Variants in SLCO3A1 observed in about 807,000 individuals in gnomAD.
The protein encoded by SLCO3A1 is solute carrier organic anion transporter family member 3A1.
Under a neutral mutation model 63.1 loss-of-function variants are expected in SLCO3A1, and 27 were observed. The observed-to-expected ratio is 0.43, with a 90% CI of 0.32 to 0.59. The LOEUF (loss-of-function observed/expected upper bound fraction) is 0.59, where lower values mean the gene tolerates loss of function less well. Ranked by LOEUF, SLCO3A1 falls within the 20% of genes least tolerant of loss-of-function variation. The probability of loss-of-function intolerance (pLI) is 0.09; values close to 1 mark genes in which losing one functional copy is unlikely to be tolerated. For synonymous variants in SLCO3A1, 473 were observed against 409.9 expected, an observed-to-expected ratio of 1.15 and a Z score of -1.86; for missense variants, 773 against 945.8, an observed-to-expected ratio of 0.82 and a Z score of 2.40.
intron 2 of SLCO3A1, among the ~76,000 whole-genome samples, chr15:92,032,960 A>G (rs1459268723): frequency 1.3e-5 from 2 of 152,244 alleles, no homozygotes; most frequent in Non-Finnish European, 2.9e-5. Flanking sequence ...AACAAGTCAC[A>G]TTTGGACACC....
At chr15:91,861,680 G>A (rs1298753374) in intron 1 of SLCO3A1, among the ~76,000 whole-genome samples, 1 of 152,144 alleles carries the variant, frequency 6.6e-6, no homozygotes, top group African/African-American at 2.4e-5. Flanking sequence ...TATCATCCAG[G>A]TTGGAGTGCA....
chr15:92,090,799 T>G (rs2047463565), intron 2 of SLCO3A1, among the ~76,000 whole-genome samples: 1 of 152,154 alleles, frequency 6.6e-6, no homozygotes, highest in African/African-American at 2.4e-5. Context: ...TGTCATCTAT[T>G]TAACAAACCC....
At chr15:91,866,765 A>G (rs1897176112) in intron 1 of SLCO3A1, among the ~76,000 whole-genome samples, 1 of 152,014 alleles carries the variant, frequency 6.6e-6, no homozygotes, top group South Asian at 2.1e-4. Flanking sequence ...CTCATTCATT[A>G]GGACGTTTCA....
chr15:92,108,019 C>T (rs896348620), intron 4 of SLCO3A1, among the ~76,000 whole-genome samples: 3 of 152,150 alleles, frequency 2.0e-5, no homozygotes, highest in African/African-American at 7.2e-5. Flanking sequence ...GTCTGTGGTT[C>T]GATTTTCAGA....
At position 92,151,052 on chromosome 15, in the gene SLCO3A1, G is replaced by C. The variant is rs759820668; in HGVS notation, c.1753+38G>C. 4.3e-6 allele frequency: 6 copies of C among 1,389,334 alleles called. No homozygotes were observed. The East Asian group carries it at 1.4e-4, about 32-fold the overall frequency. The allele number at this position is 1,389,334 out of a possible 1,614,324, so 86.1% of individuals were successfully genotyped here. On this transcript the variant is annotated intron_variant, in intron 9 of 9. Transcript: ENST00000318445. ...TCTTTATTTCCTCAATAATGAATTGGATGCTTATTACTAGGTGAGTAACTG... is the reference window on the plus strand; with the variant it reads ...TCTTTATTTCCTCAATAATGAATTGCATGCTTATTACTAGGTGAGTAACTG...
intron 1 of SLCO3A1, among the ~76,000 whole-genome samples, chr15:91,867,899 A>T (rs2141851056): frequency 6.6e-6 from 1 of 152,324 alleles, no homozygotes; most frequent in East Asian, 1.9e-4. Context: ...CAGGTCAGGA[A>T]GCATTTCTGC....
chr15:91,974,656 G>A (rs1174552594), intron 2 of SLCO3A1, among the ~76,000 whole-genome samples: 1 of 152,134 alleles, frequency 6.6e-6, no homozygotes, highest in African/African-American at 2.4e-5. Flanking sequence ...AACTCCCCAG[G>A]GAGCAGAGAA....
Position 91,948,860 on chromosome 15 carries a change from A to T in SLCO3A1, c.646+32402A>T, listed in dbSNP as rs1188955212. ...CCAAGTGTCTCAGAGCCTGCAGAGC[A>T]CCATCCATCCTCAATTCCTTTAATA... On this transcript the variant is annotated intron_variant, in intron 2 of 9. Coordinates refer to ENST00000318445, the MANE Select transcript of SLCO3A1 (RefSeq NM_013272.4). This position sits in a 1 kb window ranked among gnomAD's most constrained non-coding sequence, Gnocchi z 4.8. Among the ~76,000 whole-genome samples the T allele has an allele frequency of 6.6e-6, 1 of 151,886 alleles. No homozygotes were observed. The highest frequency in any genetic ancestry group is 1.5e-5 in the Non-Finnish European group (1 of 68,020).
chr15:92,086,982 CA>C (rs35886694), intron 2 of SLCO3A1, among the ~76,000 whole-genome samples: 75,765 of 133,594 alleles, frequency 0.57, 21,308 homozygotes, highest in Middle Eastern at 0.67. Context: ...AACTCCGTCT[CA>C]AAAAAAAAAA....
At chr15:92,127,381 C>T (rs1027064979) in intron 6 of SLCO3A1, among the ~76,000 whole-genome samples, 1 of 144,572 alleles carries the variant, frequency 6.9e-6, no homozygotes, top group East Asian at 2.0e-4. Context: ...ATCACACAGC[C>T]CTAGTTCCAG....
At chr15:91,935,171 C>T (rs1397705089) in intron 2 of SLCO3A1, among the ~76,000 whole-genome samples, 1 of 152,122 alleles carries the variant, frequency 6.6e-6, no homozygotes, top group Non-Finnish European at 1.5e-5. Flanking sequence ...CCAGGATGGT[C>T]TCGATCTCTT....
At chr15:92,029,667 A>AT (rs60515477) in intron 2 of SLCO3A1, among the ~76,000 whole-genome samples, 56 of 149,096 alleles carry the variant, frequency 3.8e-4, no homozygotes, top group East Asian at 1.4e-3. Context: ...CCCTCCTTGT[A>AT]TTTTTTTTTT....
At chr15:91,926,596 T>TGTGTGTGCGCGCGCGC in intron 2 of SLCO3A1, among the ~76,000 whole-genome samples, 25 of 105,316 alleles carry the variant, frequency 2.4e-4, no homozygotes, top group African/African-American at 8.8e-4. Context: ...TGTGTGTGTG[T>TGTGTGTGCGCGCGCGC]GCGCGCGCGC....
In SLCO3A1 at chr15:92,084,332, G is replaced by C. The variant is rs1337775242; in HGVS notation, c.647-10549G>C. Among the ~76,000 whole-genome samples, 3 of 152,340 alleles carry C rather than the reference G, an allele frequency of 2.0e-5. No individual in the cohort carries two copies. The East Asian group carries it at 5.8e-4, about 29-fold the overall frequency. On this transcript the variant is annotated intron_variant, in intron 2 of 9. Transcript: ENST00000318445. ...ATAACAGCTGATGGTTTTTGAGAAT[G>C]TCTGTGTTCCAGGAATTGATCAGAA...
chr15:91,901,253 C>T (rs1452110374), intron 1 of SLCO3A1, among the ~76,000 whole-genome samples: 2 of 152,194 alleles, frequency 1.3e-5, no homozygotes, highest in Non-Finnish European at 2.9e-5. Context: ...AACTTTCCTC[C>T]AGTATAGCTC....
At chr15:92,019,980 G>A (rs533386614) in intron 2 of SLCO3A1, among the ~76,000 whole-genome samples, 1 of 152,300 alleles carries the variant, frequency 6.6e-6, no homozygotes, top group Admixed American at 6.5e-5. Flanking sequence ...GAACCATGTG[G>A]GGGAAGCGAC....
At chr15:91,993,727 T>C (rs931970565) in intron 2 of SLCO3A1, among the ~76,000 whole-genome samples, 9 of 152,196 alleles carry the variant, frequency 5.9e-5, no homozygotes, top group African/African-American at 2.2e-4. Context: ...TCTCCCATAA[T>C]GAATAAGGCT....
At chr15:92,085,781 C>A (rs1001759991) in intron 2 of SLCO3A1, among the ~76,000 whole-genome samples, 6 of 152,148 alleles carry the variant, frequency 3.9e-5, no homozygotes, top group African/African-American at 1.4e-4. Flanking sequence ...AAGGACCCTC[C>A]CTTCCCCCGA....
At chr15:91,923,929 G>A (rs918149528) in intron 2 of SLCO3A1, among the ~76,000 whole-genome samples, 2 of 152,210 alleles carry the variant, frequency 1.3e-5, no homozygotes, top group Non-Finnish European at 2.9e-5. Context: ...GGGCATTTAG[G>A]TGATGAATGT....
Sources: gnomAD v4.1 joint callset for allele counts (sites outside exome capture counted in the v4.1 genomes callset) on GRCh38, gnomAD v4.1.1 for gene constraint, Gnocchi (gnomAD v3.1) non-coding constraint, MANE v1.5 for transcripts, NCBI Gene and HGNC (gene_info 2026-07-23, HGNC 2026-07-21) for gene names.